The following SEMA6D variants were observed in gnomAD, a reference collection of about 807,000 sequenced individuals.
The protein encoded by SEMA6D is semaphorin 6D, also known as semaphorin-6D.
Under a neutral mutation model 106.6 loss-of-function variants are expected in SEMA6D, and 35 were observed. The observed-to-expected ratio is 0.33, with a 90% CI of 0.25 to 0.44. The LOEUF is 0.44. Ranked by LOEUF, SEMA6D falls within the 20% of genes least tolerant of loss-of-function variation. The pLI is 1.00. For missense variants in SEMA6D, 1,185 were observed against 1,345.9 expected, an observed-to-expected ratio of 0.88 and a Z score of 1.87; for synonymous variants, 499 against 487.7, an observed-to-expected ratio of 1.02 and a Z score of -0.31.
At chr15:47,697,406 T>C (rs2078723432) in intron 4 of SEMA6D, among the ~76,000 whole-genome samples, 1 of 152,204 alleles carries the variant, frequency 6.6e-6, no homozygotes, top group African/African-American at 2.4e-5. Flanking sequence ...CTCAGGACAC[T>C]GGAAGTATCC....
intron 1 of SEMA6D, among the ~76,000 whole-genome samples, chr15:47,278,037 A>C (rs2034918979): frequency 6.6e-6 from 1 of 151,860 alleles, no homozygotes; most frequent in Admixed American, 6.6e-5. Flanking sequence ...GTTGGTTCCA[A>C]GTCTTTGCTA....
At chr15:47,613,297 G>A (rs2076946984) in intron 4 of SEMA6D, among the ~76,000 whole-genome samples, 1 of 152,160 alleles carries the variant, frequency 6.6e-6, no homozygotes, top group Non-Finnish European at 1.5e-5. Context: ...AGTTTCCACT[G>A]CATTTTCAGC....
At chr15:47,666,696 C>T (rs977311139) in intron 4 of SEMA6D, among the ~76,000 whole-genome samples, 1 of 152,210 alleles carries the variant, frequency 6.6e-6, no homozygotes. Context: ...CTGTGATCCA[C>T]GCCTGAGAAT....
chr15:47,614,015 T>C (rs1164983206), intron 4 of SEMA6D, among the ~76,000 whole-genome samples: 2 of 152,212 alleles, frequency 1.3e-5, no homozygotes, highest in Non-Finnish European at 2.9e-5. Flanking sequence ...TACAACTTAA[T>C]GCCATTAATA....
chr15:47,744,924 C>T (rs534057690), intron 1 of SEMA6D, among the ~76,000 whole-genome samples: 5 of 152,276 alleles, frequency 3.3e-5, no homozygotes, highest in South Asian at 4.1e-4. Context: ...AGATCACCTG[C>T]GTTCTCATTG....
intron 3 of SEMA6D, among the ~76,000 whole-genome samples, chr15:47,514,925 A>G (rs921701158): frequency 2.0e-5 from 3 of 152,148 alleles, no homozygotes; most frequent in Non-Finnish European, 1.5e-5. Flanking sequence ...TCCTTTTCAC[A>G]TGATCTCAGT....
intron 1 of SEMA6D, among the ~76,000 whole-genome samples, chr15:47,282,557 A>G (rs1042188670): frequency 6.6e-6 from 1 of 152,124 alleles, no homozygotes; most frequent in African/African-American, 2.4e-5. Flanking sequence ...GAGTGGACAC[A>G]TTTCTGTTGG....
intron 4 of SEMA6D, among the ~76,000 whole-genome samples, chr15:47,620,261 AT>A (rs964229400): frequency 6.6e-6 from 1 of 152,164 alleles, no homozygotes; most frequent in Non-Finnish European, 1.5e-5. Context: ...AATTTTTTAA[AT>A]GGATATGTCC....
At chr15:47,677,537 T>C (rs570720106) in intron 4 of SEMA6D, among the ~76,000 whole-genome samples, 2 of 152,344 alleles carry the variant, frequency 1.3e-5, no homozygotes, top group East Asian at 1.9e-4. Context: ...CAGAGAAGCA[T>C]GTGGAATGGG....
At chr15:47,733,283 T>G (rs984110674) in intron 1 of SEMA6D, among the ~76,000 whole-genome samples, 1 of 152,190 alleles carries the variant, frequency 6.6e-6, no homozygotes, top group Non-Finnish European at 1.5e-5. Context: ...CCTGTCCTGT[T>G]TAACCTCTTT....
chr15:47,766,201 A>G lies in SEMA6D; in HGVS notation c.1646+19A>G. The G allele has an allele frequency of 6.3e-7, 1 of 1,598,926 alleles. No homozygotes were observed. Among genetic ancestry groups the G allele is most frequent in the Non-Finnish European group, 8.6e-7 (1 of 1,167,010 alleles). On this transcript the variant is annotated intron_variant, in intron 15 of 18. Transcript: ENST00000536845. ...GGATGCTGTAAGTATACTTTGTCAC[A>G]TGAGCTAGGATGAACTATCCTCTCC...
At chr15:47,519,928 G>T (rs1596224952) in intron 3 of SEMA6D, among the ~76,000 whole-genome samples, 1 of 152,304 alleles carries the variant, frequency 6.6e-6, no homozygotes, top group East Asian at 1.9e-4. Context: ...TTCATGCCTT[G>T]CTTGGTGCTA....
chr15:47,323,412 C>A (rs1251538325), intron 1 of SEMA6D, among the ~76,000 whole-genome samples: 1 of 152,044 alleles, frequency 6.6e-6, no homozygotes, highest in Non-Finnish European at 1.5e-5. Context: ...AGAAAAGACT[C>A]AAAAATAGGA....
At chr15:47,529,372 A>T (rs1215619733) in intron 3 of SEMA6D, among the ~76,000 whole-genome samples, 1 of 152,178 alleles carries the variant, frequency 6.6e-6, no homozygotes, top group Non-Finnish European at 1.5e-5. Flanking sequence ...AAATCTGCAT[A>T]TAAGCATATA....
chr15:47,552,833 T>TATATATATAA lies in SEMA6D; in HGVS notation c.-86-48012_-86-48003dup, dbSNP rs1329606483. 1.8e-3 allele frequency among the ~76,000 whole-genome samples: 142 copies of TATATATATAA among 80,126 alleles called. 6 individuals are homozygous for TATATATATAA. Among genetic ancestry groups the TATATATATAA allele is most frequent in the African/African-American group, 0.011 (135 of 12,624 alleles). The allele number at this position is 80,126 out of a possible 152,430, so 52.6% of individuals were successfully genotyped here. A position where few individuals can be genotyped will look rare whatever the true frequency, so the allele number is the denominator to read the frequency against. On this transcript the variant is annotated intron_variant, in intron 3 of 19. Coordinates refer to the SEMA6D transcript ENST00000558014. Reference sequence around the variant, plus strand: ...ATATATATAAATATATATATTTTTATATATATATAAATATATATAAATATA... The same window carrying TATATATATAA: ...ATATATATAAATATATATATTTTTATATATATATAAATATATATAAATATATATAAATATA...
intron 1 of SEMA6D, among the ~76,000 whole-genome samples, chr15:47,751,230 C>T (rs2081414429): frequency 6.6e-6 from 1 of 152,192 alleles, no homozygotes. Flanking sequence ...GCCCAGAACA[C>T]ACTGCTTAGA....
intron 1 of SEMA6D, among the ~76,000 whole-genome samples, chr15:47,728,949 T>A (rs1184480383): frequency 6.6e-6 from 1 of 152,200 alleles, no homozygotes; most frequent in Non-Finnish European, 1.5e-5. Flanking sequence ...ATTACTTAAT[T>A]ATAATGCAGA....
intron 4 of SEMA6D, among the ~76,000 whole-genome samples, chr15:47,694,753 T>G (rs2078663800): frequency 6.6e-6 from 1 of 152,182 alleles, no homozygotes; most frequent in Non-Finnish European, 1.5e-5. Context: ...AGTTATTTTT[T>G]GCAGCAGGGC....
intron 1 of SEMA6D, among the ~76,000 whole-genome samples, chr15:47,271,126 T>C (rs1456013924): frequency 6.6e-6 from 1 of 152,152 alleles, no homozygotes; most frequent in African/African-American, 2.4e-5. Flanking sequence ...TATTTCATGG[T>C]TTTTTGACAA....
Sources: allele counts gnomAD v4.1 joint callset (sites outside exome capture counted in the v4.1 genomes callset), GRCh38; gene constraint gnomAD v4.1.1; transcripts MANE v1.5; gene names NCBI Gene and HGNC (gene_info 2026-07-23, HGNC 2026-07-21).